Variants in ZMYND8 observed in about 807,000 individuals in gnomAD.
ZMYND8 encodes the protein MYND-type zinc finger-containing chromatin reader ZMYND8.
A neutral mutation model predicts 140.8 loss-of-function variants in ZMYND8; 37 were observed. That is an observed-to-expected ratio of 0.26 (90% CI 0.20 to 0.35). The LOEUF (loss-of-function observed/expected upper bound fraction) is 0.35. ZMYND8 is among the 10% of genes least tolerant of loss of function. The probability of loss-of-function intolerance (pLI) is 1.00; values close to 1 mark genes in which losing one functional copy is unlikely to be tolerated. For missense variants in ZMYND8, 1,068 were observed against 1,570.0 expected (o/e 0.68, Z 5.40); for synonymous variants, 592 against 597.1 (o/e 0.99, Z 0.12).
chr20:47,219,199 A>T (rs1358990187), intron 21 of ZMYND8, among the ~76,000 whole-genome samples: 3 of 151,488 alleles, frequency 2.0e-5, no homozygotes, highest in East Asian at 4.0e-4. Context: ...CTGGGATTAC[A>T]GGCGCATGTC....
intron 12 of ZMYND8, among the ~76,000 whole-genome samples, chr20:47,252,624 G>C (rs1362962068): frequency 1.3e-5 from 2 of 152,166 alleles, no homozygotes; most frequent in African/African-American, 4.8e-5. Flanking sequence ...AACTTTCTTT[G>C]TAAAAGCCTG....
intron 3 of ZMYND8, among the ~76,000 whole-genome samples, chr20:47,300,934 G>A (rs867796286): frequency 2.3e-5 from 3 of 128,808 alleles, no homozygotes; most frequent in Admixed American, 8.0e-5. Flanking sequence ...GTGTGTGTGT[G>A]TTTTGTTTTG....
intron 1 of ZMYND8, chr20:47,351,895 G>C (rs903788104): frequency 2.0e-6 from 2 of 985,270 alleles, no homozygotes; most frequent in Non-Finnish European, 2.4e-6. Flanking sequence ...ACTAGGAAAA[G>C]CTGAACCAAA....
intron 9 of ZMYND8, among the ~76,000 whole-genome samples, chr20:47,283,141 T>C (rs1405993026): frequency 6.6e-6 from 1 of 152,032 alleles, no homozygotes; most frequent in Non-Finnish European, 1.5e-5. Flanking sequence ...GAAACTAGGG[T>C]GACTTTATTT....
chr20:47,329,299 T>C (rs909897348), intron 2 of ZMYND8, among the ~76,000 whole-genome samples: 7 of 152,238 alleles, frequency 4.6e-5, no homozygotes, highest in Non-Finnish European at 5.9e-5. Flanking sequence ...GTTCTCGATC[T>C]GTTCTCTATC....
chr20:47,282,205 G>T lies in ZMYND8; in HGVS notation c.895C>A (p.Pro299Thr), dbSNP rs769954945. 2 of 1,613,774 alleles carry T rather than the reference G, an allele frequency of 1.2e-6. No homozygotes were observed. The highest frequency in any genetic ancestry group is 2.7e-5 in the African/African-American group (2 of 74,890). Residue 299 changes from proline (P) to threonine (T), a missense_variant, in exon 10 of 23, where the codon CCT becomes ACT. By Grantham distance (38) the Pro-to-Thr change is conservative. Around this residue, in one of 10 missense-constraint regions of ZMYND8, gnomAD observed 109 missense variants for 314.9 expected, o/e 0.35. Coordinates refer to ENST00000471951, the MANE Select transcript of ZMYND8 (RefSeq NM_001281775.3). ...CCCTTCAGTTTGGCCCAGACCAAAG[G>T]ATGTGGATTGCTCTAGGAAAAGAAA... ...WFCEPCSNPH[P>T]LVWAKLKGFP...
intron 1 of ZMYND8, chr20:47,352,342 A>T (rs2082857301): frequency 1.7e-6 from 1 of 597,532 alleles, no homozygotes; most frequent in Non-Finnish European, 2.1e-6. Flanking sequence ...GGCTGTTTAT[A>T]AGCCTGCAAA....
chr20:47,304,413 C>T (rs1284124164), intron 3 of ZMYND8, among the ~76,000 whole-genome samples: 1 of 152,218 alleles, frequency 6.6e-6, no homozygotes, highest in African/African-American at 2.4e-5. Flanking sequence ...GGCAAAAGCA[C>T]ACACAGACAG....
chr20:47,329,953 T>C (rs2080793024), intron 2 of ZMYND8, among the ~76,000 whole-genome samples: 2 of 152,214 alleles, frequency 1.3e-5, no homozygotes, highest in African/African-American at 4.8e-5. Context: ...AACTCTTTAG[T>C]ATGCATACGA....
At chr20:47,332,901 C>T (rs2081069277) in intron 2 of ZMYND8, among the ~76,000 whole-genome samples, 1 of 152,188 alleles carries the variant, frequency 6.6e-6, no homozygotes, top group Non-Finnish European at 1.5e-5. Context: ...GTGGACACAA[C>T]TCAAACGTCC....
chr20:47,276,675 G>A lies in ZMYND8; in HGVS notation c.1119C>T (p.Ile373=). The stretch of plus-strand genomic sequence containing the variant: ...AATTAAAAACCCCAAACTTCCTGCG[G>A]ATGTTCTCCACGTAAACCTCCATCT... ...MQEMEVYVEN[I]RRKFGVFNYS... is the part of the protein sequence containing the mutation. The change falls in exon 11 of 23, where the codon ATC becomes ATT. Residue 373 remains isoleucine (I), a synonymous_variant. Coordinates refer to ENST00000471951, the MANE Select transcript of ZMYND8 (RefSeq NM_001281775.3). 1 of 1,613,974 alleles carries A rather than the reference G, an allele frequency of 6.2e-7. No individual in the cohort carries two copies. Among genetic ancestry groups the A allele is most frequent in the Non-Finnish European group, 8.5e-7 (1 of 1,180,020 alleles).
chr20:47,284,997 C>T (rs888443417), intron 8 of ZMYND8, among the ~76,000 whole-genome samples: 11 of 152,088 alleles, frequency 7.2e-5, no homozygotes, highest in African/African-American at 2.4e-4. Context: ...TCAATATTGC[C>T]CATTAACATT....
At chr20:47,221,225 G>T in intron 20 of ZMYND8, 89 bp downstream of exon 20, 1 of 1,526,152 alleles carries the variant, frequency 6.6e-7, no homozygotes, top group Non-Finnish European at 8.9e-7. Flanking sequence ...CCCACAACAC[G>T]GAACTTTCAG....
At chr20:47,248,470 C>T (rs886485882) in intron 13 of ZMYND8, among the ~76,000 whole-genome samples, 2 of 152,222 alleles carry the variant, frequency 1.3e-5, no homozygotes, top group African/African-American at 4.8e-5. Flanking sequence ...AGATGCAGAG[C>T]ACCCACTGAC....
intron 12 of ZMYND8, among the ~76,000 whole-genome samples, chr20:47,256,005 G>A (rs1048802976): frequency 6.8e-6 from 1 of 146,616 alleles, no homozygotes; most frequent in African/African-American, 2.5e-5. Context: ...CCCAGGAGGT[G>A]GAGGTTGCAG....
chr20:47,264,429 A>G (rs941610730), intron 11 of ZMYND8, among the ~76,000 whole-genome samples: 3 of 152,052 alleles, frequency 2.0e-5, no homozygotes, highest in Non-Finnish European at 4.4e-5. Context: ...GGCTCCTGCT[A>G]TCACACCCGG....
chr20:47,211,294 T>C (rs73302077), intron 22 of ZMYND8, among the ~76,000 whole-genome samples: 13,138 of 152,166 alleles, frequency 0.086, 722 homozygotes, highest in South Asian at 0.21. Flanking sequence ...ACACTGAAAT[T>C]TGGCATGCAG....
At chr20:47,338,334 C>T (rs1240110057) in intron 2 of ZMYND8, among the ~76,000 whole-genome samples, 2 of 152,112 alleles carry the variant, frequency 1.3e-5, no homozygotes, top group Non-Finnish European at 2.9e-5. Flanking sequence ...CACCTGCAGT[C>T]CATCCCTTTC....
intron 6 of ZMYND8, among the ~76,000 whole-genome samples, chr20:47,290,583 G>GTTTTTTTTTTTT (rs71183240): frequency 2.5e-4 from 16 of 64,080 alleles, no homozygotes; most frequent in East Asian, 5.0e-4. Context: ...TATTTATTTA[G>GTTTTTTTTTTTT]TTTTTTTTTT....
Sources: allele counts gnomAD v4.1 joint callset (sites outside exome capture counted in the v4.1 genomes callset), GRCh38; gene constraint gnomAD v4.1.1; regional missense constraint gnomAD v4.1.1; transcripts MANE v1.5; gene names NCBI Gene and HGNC (gene_info 2026-07-23, HGNC 2026-07-21).